The following NCS1 variants were observed in gnomAD, a reference collection of about 807,000 sequenced individuals.
NCS1 encodes neuronal calcium sensor 1, also known as frequenin homolog.
Under a neutral mutation model 28.4 loss-of-function variants are expected in NCS1, and 6 were observed. The observed-to-expected ratio is 0.21, with a 90% CI of 0.12 to 0.42. NCS1 has a LOEUF of 0.42. Ranked by LOEUF, NCS1 falls within the 10% of genes least tolerant of loss-of-function variation. The pLI is 1.00. For missense variants in NCS1, 131 were observed against 241.4 expected (o/e 0.54, Z 3.03); for synonymous variants, 86 against 99.3 (o/e 0.87, Z 0.79).
At chr9:130,201,095 C>T in intron 2 of NCS1, 113 bp downstream of exon 2, 1 of 1,424,160 alleles carries the variant, frequency 7.0e-7, no homozygotes, top group Non-Finnish European at 9.9e-7. Flanking sequence ...TGTGGAGGGG[C>T]CCCTGAGCGT....
At chr9:130,206,423 T>C (rs1386995060) in intron 2 of NCS1, among the ~76,000 whole-genome samples, 3 of 99,906 alleles carry the variant, frequency 3.0e-5, no homozygotes, top group Non-Finnish European at 6.3e-5. Context: ...TTTTTTTTTT[T>C]CCTGAGATGG....
At chr9:130,227,911 A>C (rs529164826) in intron 7 of NCS1, among the ~76,000 whole-genome samples, 1 of 152,174 alleles carries the variant, frequency 6.6e-6, no homozygotes, top group Non-Finnish European at 1.5e-5. Flanking sequence ...GAAACTTCTC[A>C]GTCCCGGGAA....
At chr9:130,225,838 G>T (rs181538554) in intron 6 of NCS1, among the ~76,000 whole-genome samples, 1 of 152,106 alleles carries the variant, frequency 6.6e-6, no homozygotes, top group African/African-American at 2.4e-5. Context: ...GTGGTCCGCC[G>T]GCTTCCTTGA....
In NCS1 at chr9:130,177,591, CGGCATCGGGATG is replaced by C. The variant is rs1564701166; in HGVS notation, c.64+4871_64+4882del. Among the ~76,000 whole-genome samples the C allele has an allele frequency of 6.6e-6, 1 of 152,198 alleles. No homozygotes were observed. ...AGCAGGAGAGACTGAGGTGGACTCT[CGGCATCGGGATG>C]GGCATCTGGGCAAGAAACATCACCT... On this transcript the variant is annotated intron_variant, in intron 1 of 7. Transcript: ENST00000372398. This position sits in a 1 kb window ranked among gnomAD's most constrained non-coding sequence, Gnocchi z 4.4.
At chr9:130,227,609 G>A (rs187121447) in intron 7 of NCS1, among the ~76,000 whole-genome samples, 3 of 152,302 alleles carry the variant, frequency 2.0e-5, no homozygotes, top group Admixed American at 1.3e-4. Flanking sequence ...TGAGTATGGA[G>A]TAATAACTTG....
At chr9:130,200,306 T>A (rs1564707387) in intron 1 of NCS1, 2 of 482,896 alleles carry the variant, frequency 4.1e-6, no homozygotes, top group Non-Finnish European at 7.4e-6. Flanking sequence ...AGCATTTTTG[T>A]TTGTTTCATG....
rs543491589 is a variant in NCS1 at position 130,186,631 on chromosome 9, G to C, written c.64+13904G>C. Among the ~76,000 whole-genome samples, 14 of 152,240 alleles carry C rather than the reference G, an allele frequency of 9.2e-5. No individual in the cohort carries two copies. In the South Asian group the frequency reaches 2.9e-3, roughly 32 times the overall value. ...GGAAGGGGTGGGAGACACAGAGCTGGTCTCCATCACAGCTCAGGCAGAAGC... is the reference window on the plus strand; with the variant it reads ...GGAAGGGGTGGGAGACACAGAGCTGCTCTCCATCACAGCTCAGGCAGAAGC... On this transcript the variant is annotated intron_variant, in intron 1 of 7. Transcript: ENST00000372398. The surrounding 1 kb of genome is among the most constrained non-coding windows in gnomAD (Gnocchi z 4.1).
chr9:130,226,242 G>C lies in NCS1; in HGVS notation c.475-147G>C. Reference sequence around the variant, plus strand: ...CTGCCATGAGTGCCGAGGTCTGTCTGGTGCTGGCTGCTTGTAGGCCCTGAG... The same window carrying C: ...CTGCCATGAGTGCCGAGGTCTGTCTCGTGCTGGCTGCTTGTAGGCCCTGAG... On this transcript the variant is annotated intron_variant, in intron 6 of 7. Coordinates refer to ENST00000372398, the MANE Select transcript of NCS1 (RefSeq NM_014286.4). This position sits in a 1 kb window ranked among gnomAD's most constrained non-coding sequence, Gnocchi z 4.8. The C allele has an allele frequency of 2.9e-6, 2 of 701,318 alleles. No individual in the cohort carries two copies. Among genetic ancestry groups the C allele is most frequent in the Non-Finnish European group, 5.1e-6 (2 of 389,534 alleles). The allele number at this position is 701,318 out of a possible 1,614,324, so 43.4% of individuals were successfully genotyped here.
chr9:130,218,039 A>T, intron 3 of NCS1, 69 bp downstream of exon 3: 1 of 1,589,140 alleles, frequency 6.3e-7, no homozygotes, highest in Non-Finnish European at 8.6e-7. Context: ...GCGTCTCCAC[A>T]CCCACTCTCT....
intron 1 of NCS1, among the ~76,000 whole-genome samples, chr9:130,193,430 A>G (rs997008270): frequency 2.0e-5 from 3 of 152,162 alleles, no homozygotes. Flanking sequence ...TGTGGGGGCG[A>G]CGTCCAGCCA....
In NCS1 at chr9:130,192,134, G is replaced by C. The variant is rs556893934; in HGVS notation, c.65-8824G>C. 6.6e-6 allele frequency among the ~76,000 whole-genome samples: 1 copy of C among 152,276 alleles called. No homozygotes were observed. The highest frequency in any genetic ancestry group is 2.4e-5 in the African/African-American group (1 of 41,556). On this transcript the variant is annotated intron_variant, in intron 1 of 7. Coordinates refer to ENST00000372398, the MANE Select transcript of NCS1 (RefSeq NM_014286.4). This position sits in a 1 kb window ranked among gnomAD's most constrained non-coding sequence, Gnocchi z 4.8. ...GCCCTTTAGCCAGGCAGTGGTGGCAGACAGGTATGGGATTGGGAGTGGGGG... is the reference window on the plus strand; with the variant it reads ...GCCCTTTAGCCAGGCAGTGGTGGCACACAGGTATGGGATTGGGAGTGGGGG...
intron 5 of NCS1, 69 bp downstream of exon 5, chr9:130,222,807 G>A (rs1388444543): frequency 2.0e-6 from 3 of 1,495,610 alleles, no homozygotes; most frequent in Admixed American, 1.7e-5. Context: ...GAGACAGAGA[G>A]AGAGCACTTG....
chr9:130,197,727 C>G (rs1443477924), intron 1 of NCS1, among the ~76,000 whole-genome samples: 1 of 152,136 alleles, frequency 6.6e-6, no homozygotes, highest in Non-Finnish European at 1.5e-5. Flanking sequence ...CTTTGGGAGG[C>G]CAAGGCAGAC....
chr9:130,212,500 GTATGAGCCACTTACTT>G (rs1237302652), intron 2 of NCS1, among the ~76,000 whole-genome samples: 2 of 148,920 alleles, frequency 1.3e-5, no homozygotes, highest in African/African-American at 2.5e-5. Context: ...CCCTGATCTA[GTATGAGCCACTTACTT>G]TACTCACAGG....
intron 4 of NCS1, among the ~76,000 whole-genome samples, chr9:130,222,112 ACG>A (rs1491455075): frequency 3.1e-5 from 1 of 32,436 alleles, no homozygotes; most frequent in African/African-American, 9.2e-5. Context: ...ATATATATAT[ACG>A]TATATATATA....
rs1348339270 is a variant in NCS1, at chr9:130,219,590, C to T, written c.229-135C>T. On this transcript the variant is annotated intron_variant, in intron 3 of 7. Coordinates refer to ENST00000372398, the MANE Select transcript of NCS1 (RefSeq NM_014286.4). The surrounding 1 kb of genome is among the most constrained non-coding windows in gnomAD (Gnocchi z 5.7). The stretch of plus-strand genomic sequence containing the variant: ...GCCTCTCGCCCCCCATTCCTTCGAG[C>T]CTGCCCTCTCCACCTGAGTGTCCAT... 1.6e-5 allele frequency: 12 copies of T among 770,290 alleles called. No individual in the cohort carries two copies. Among genetic ancestry groups the T allele is most frequent in the Middle Eastern group, 2.9e-4 (1 of 3,496 alleles). The allele number at this position is 770,290 out of a possible 1,614,324, so 47.7% of individuals were successfully genotyped here. A position where few individuals can be genotyped will look rare whatever the true frequency, so the allele number is the denominator to read the frequency against.
In NCS1 at chr9:130,180,265, C is replaced by T. The variant is rs1300067205; in HGVS notation, c.64+7538C>T. On this transcript the variant is annotated intron_variant, in intron 1 of 7. Coordinates refer to ENST00000372398, the MANE Select transcript of NCS1 (RefSeq NM_014286.4). The surrounding 1 kb of genome is among the most constrained non-coding windows in gnomAD (Gnocchi z 4.5). ...GCCAGGTTGGTCTCAAACTCCTAGC[C>T]TCAAGTGGTGCACCCACCTTGGCCT... Among the ~76,000 whole-genome samples the T allele has an allele frequency of 1.3e-5, 2 of 152,204 alleles. No individual in the cohort carries two copies. Among genetic ancestry groups the T allele is most frequent in the East Asian group, 3.9e-4 (2 of 5,158 alleles).
intron 1 of NCS1, among the ~76,000 whole-genome samples, chr9:130,183,141 CGGGGAA>C (rs1382730212): frequency 1.3e-4 from 20 of 152,290 alleles, no homozygotes; most frequent in Admixed American, 1.0e-3. Flanking sequence ...TACAGTCTGT[CGGGGAA>C]GGGGGACAGC....
At position 130,189,883 on chromosome 9, in the gene NCS1, T is replaced by A. The variant is rs200586369; in HGVS notation, c.65-11075T>A. On this transcript the variant is annotated intron_variant, in intron 1 of 7. Coordinates refer to ENST00000372398, the MANE Select transcript of NCS1 (RefSeq NM_014286.4). Reference sequence around the variant, plus strand: ...CAAAAAAAAAAAAAAAAAAAAAATATATATATATATATATATATATATATA... The same window carrying A: ...CAAAAAAAAAAAAAAAAAAAAAATAAATATATATATATATATATATATATA... Among the ~76,000 whole-genome samples the A allele has an allele frequency of 5.9e-3, 409 of 69,506 alleles. 5 individuals carry two copies. Among genetic ancestry groups the A allele is most frequent in the African/African-American group, 0.023 (306 of 13,334 alleles). 45.6% of individuals were successfully genotyped at this position (69,506 alleles called of 152,430 possible).
Sources: gnomAD v4.1 joint callset for allele counts (sites outside exome capture counted in the v4.1 genomes callset) on GRCh38, gnomAD v4.1.1 for gene constraint, Gnocchi (gnomAD v3.1) non-coding constraint, MANE v1.5 for transcripts, NCBI Gene and HGNC (gene_info 2026-07-23, HGNC 2026-07-21) for gene names.